The following PCDHGA2 variants were observed in gnomAD, a reference collection of about 807,000 sequenced individuals.
PCDHGA2 encodes protocadherin gamma-A2.
Under a neutral mutation model 59.2 loss-of-function variants are expected in PCDHGA2, and 40 were observed. The ratio of observed to expected loss-of-function variants is 0.68; its 90% CI spans 0.52 to 0.88. PCDHGA2 has a LOEUF of 0.88. Ranked by LOEUF, PCDHGA2 falls within the 40% of genes least tolerant of loss-of-function variation. PCDHGA2 has a pLI of 0.00. For missense variants in PCDHGA2, 1,226 were observed against 1,204.0 expected (o/e 1.02, Z -0.27); for synonymous variants, 560 against 526.0 (o/e 1.06, Z -0.89).
chr5:141,402,281 C>A (rs1589453227), intron 1 of PCDHGA2, among the ~76,000 whole-genome samples: 1 of 151,846 alleles, frequency 6.6e-6, no homozygotes, highest in African/African-American at 2.4e-5. Flanking sequence ...AGTGGATAAT[C>A]TATCCTTATA....
intron 1 of PCDHGA2, chr5:141,370,655 C>A: frequency 6.2e-7 from 1 of 1,613,826 alleles, no homozygotes; most frequent in Non-Finnish European, 8.5e-7. Context: ...TACTTGTGAG[C>A]GACCGTATAG....
intron 1 of PCDHGA2, chr5:141,418,454 A>G (rs1211470387): frequency 3.1e-6 from 5 of 1,613,774 alleles, no homozygotes; most frequent in Non-Finnish European, 3.4e-6. Flanking sequence ...ATTGCAGAAG[A>G]CTCTGGACCG....
At chr5:141,384,058 C>T (rs1246180478) in intron 1 of PCDHGA2, 2 of 1,609,504 alleles carry the variant, frequency 1.2e-6, no homozygotes, top group Non-Finnish European at 1.7e-6. Context: ...CTGCACCATT[C>T]CAGAAAACCT....
Position 141,404,841 on chromosome 5 carries a change from G to A in PCDHGA2, c.2424+63446G>A, listed in dbSNP as rs765291212. The stretch of plus-strand genomic sequence containing the variant: ...CACACAGGTGAAGTGCGCACAGCTC[G>A]GGCCCTGCTAGATAGAGATGCGCTC... On this transcript the variant is annotated intron_variant, in intron 1 of 3. Coordinates refer to ENST00000394576, the MANE Select transcript of PCDHGA2 (RefSeq NM_018915.4). 1.1e-5 allele frequency: 17 copies of A among 1,613,886 alleles called. No individual in the cohort carries two copies. Among genetic ancestry groups the A allele is most frequent in the Non-Finnish European group, 1.4e-5 (16 of 1,179,920 alleles).
intron 1 of PCDHGA2, among the ~76,000 whole-genome samples, chr5:141,406,226 A>G (rs888434232): frequency 4.6e-5 from 7 of 152,108 alleles, no homozygotes; most frequent in African/African-American, 1.7e-4. Flanking sequence ...TGGGAGGGCT[A>G]GCAAGCTATG....
chr5:141,343,873 T>A (rs1214776132), intron 1 of PCDHGA2: 1 of 600,262 alleles, frequency 1.7e-6, no homozygotes. Context: ...CAAATCAGAC[T>A]CAGAAGATCC....
intron 1 of PCDHGA2, chr5:141,404,600 C>G (rs1406207982): frequency 6.2e-7 from 1 of 1,613,938 alleles, no homozygotes; most frequent in Non-Finnish European, 8.5e-7. Flanking sequence ...GTCATTGAGA[C>G]TGTTTGTTTT....
At chr5:141,444,783 C>A (rs551686741) in intron 1 of PCDHGA2, among the ~76,000 whole-genome samples, 2 of 152,100 alleles carry the variant, frequency 1.3e-5, no homozygotes, top group Non-Finnish European at 2.9e-5. Context: ...GATCATGTTT[C>A]ATTTGTCTAT....
intron 1 of PCDHGA2, among the ~76,000 whole-genome samples, chr5:141,359,645 G>T (rs1457992674): frequency 6.6e-6 from 1 of 151,998 alleles, no homozygotes; most frequent in Non-Finnish European, 1.5e-5. Context: ...TGTAAAGAAG[G>T]AGACAGAATA....
rs201325462 is a variant in PCDHGA2, at chr5:141,371,687, G to C, written c.2424+30292G>C. The C allele has an allele frequency of 3.2e-3, 5,173 of 1,614,012 alleles. 13 individuals are homozygous for C. The highest frequency in any genetic ancestry group is 4.1e-3 in the Non-Finnish European group (4,801 of 1,179,898). ...CAGCTACCGACAAAGGCAATCCACC[G>C]CTCTCCTCCAGCAAGACCATCACTC... On this transcript the variant is annotated intron_variant, in intron 1 of 3. Coordinates refer to ENST00000394576, the MANE Select transcript of PCDHGA2 (RefSeq NM_018915.4).
chr5:141,376,034 C>T, intron 1 of PCDHGA2: 1 of 1,613,128 alleles, frequency 6.2e-7, no homozygotes, highest in South Asian at 1.1e-5. Context: ...GGACCACGGC[C>T]AGCCCCCTCT....
chr5:141,444,494 A>G (rs892854259), intron 1 of PCDHGA2, among the ~76,000 whole-genome samples: 1 of 152,010 alleles, frequency 6.6e-6, no homozygotes, highest in Admixed American at 6.6e-5. Flanking sequence ...ATATTGTGTA[A>G]TACTTTGCTC....
intron 1 of PCDHGA2, chr5:141,399,237 A>G: frequency 6.2e-7 from 1 of 1,614,002 alleles, no homozygotes; most frequent in South Asian, 1.1e-5. Context: ...TACATGACCA[A>G]GATTCTGGGG....
chr5:141,422,204 G>A lies in PCDHGA2; in HGVS notation c.2425-72603G>A, dbSNP rs185669562. On this transcript the variant is annotated intron_variant, in intron 1 of 3. Transcript: ENST00000394576. Reference sequence around the variant, plus strand: ...ATGGAAATTCAAGGCCAAGATGGTGGAGGTCTCTTTACCACCACGACGATG... The same window carrying A: ...ATGGAAATTCAAGGCCAAGATGGTGAAGGTCTCTTTACCACCACGACGATG... The A allele has an allele frequency of 1.7e-4, 269 of 1,562,138 alleles. No individual in the cohort carries two copies. The African/African-American group carries it at 3.6e-3, about 21-fold the overall frequency.
chr5:141,498,523 G>A (rs555386753), intron 2 of PCDHGA2, among the ~76,000 whole-genome samples: 1 of 151,580 alleles, frequency 6.6e-6, no homozygotes, highest in Admixed American at 6.6e-5. Context: ...CTTGCCCACT[G>A]CCCTCCAGCC....
At chr5:141,421,429 G>T in intron 1 of PCDHGA2, 1 of 1,614,090 alleles carries the variant, frequency 6.2e-7, no homozygotes, top group Non-Finnish European at 8.5e-7. Flanking sequence ...AGTCCGCATC[G>T]TCTCCAGAGG....
intron 3 of PCDHGA2, among the ~76,000 whole-genome samples, chr5:141,508,752 C>G (rs2099871515): frequency 6.6e-6 from 1 of 152,028 alleles, no homozygotes. Flanking sequence ...CGCTCTTTCT[C>G]TGGCGCCTCT....
At chr5:141,470,511 A>T (rs1043414941) in intron 1 of PCDHGA2, among the ~76,000 whole-genome samples, 37 of 152,198 alleles carry the variant, frequency 2.4e-4, no homozygotes, top group African/African-American at 8.7e-4. Flanking sequence ...TTAGACAGTT[A>T]GCTAATATTA....
chr5:141,348,457 A>G (rs540291919), intron 1 of PCDHGA2, among the ~76,000 whole-genome samples: 6 of 152,342 alleles, frequency 3.9e-5, no homozygotes, highest in African/African-American at 1.4e-4. Context: ...AAAAATGTTT[A>G]TAGTATTAGT....
Sources: allele counts gnomAD v4.1 joint callset (sites outside exome capture counted in the v4.1 genomes callset), GRCh38; gene constraint gnomAD v4.1.1; transcripts MANE v1.5; gene names NCBI Gene and HGNC (gene_info 2026-07-23, HGNC 2026-07-21).